BCAR1: variants seen among roughly 807,000 people sequenced by gnomAD.
BCAR1 encodes the protein breast cancer anti-estrogen resistance protein 1.
A neutral mutation model predicts 67.6 loss-of-function variants in BCAR1; 30 were observed. The observed-to-expected ratio is 0.44, with a 90% CI of 0.33 to 0.60. The LOEUF is 0.60. BCAR1 is among the 20% of genes least tolerant of loss of function. BCAR1 has a pLI of 0.02. For missense variants in BCAR1, 1,313 were observed against 1,222.3 expected, an observed-to-expected ratio of 1.07 and a Z score of -1.11; for synonymous variants, 626 against 556.7, an observed-to-expected ratio of 1.12 and a Z score of -1.75.
rs573404237 is a variant in BCAR1, at chr16:75,241,828, G to C, written c.633+642C>G. Among the ~76,000 whole-genome samples the C allele has an allele frequency of 2.6e-5, 4 of 152,236 alleles. No individual in the cohort carries two copies. The East Asian group carries it at 7.7e-4, about 29-fold the overall frequency. On this transcript the variant is annotated intron_variant, in intron 2 of 6. Coordinates refer to ENST00000162330, the MANE Select transcript of BCAR1 (RefSeq NM_014567.5). ...GGTGAGCTTGGGAGGCAGGGGCCCT[G>C]TGGACTTGGGAAGCGGGCTCAGGGT...
intron 6 of BCAR1, among the ~76,000 whole-genome samples, chr16:75,230,790 T>C (rs895878768): frequency 2.0e-5 from 3 of 152,180 alleles, no homozygotes; most frequent in Admixed American, 6.5e-5. Context: ...TCCTAACACT[T>C]AGAACCTCGC....
intron 1 of BCAR1, among the ~76,000 whole-genome samples, chr16:75,260,169 G>C (rs190337605): frequency 6.6e-6 from 1 of 152,260 alleles, no homozygotes. Context: ...ACTCCAGCCT[G>C]GGTGACAGAG....
chr16:75,261,728 C>T (rs1028897905), intron 1 of BCAR1, among the ~76,000 whole-genome samples: 2 of 152,188 alleles, frequency 1.3e-5, no homozygotes, highest in East Asian at 3.9e-4. Flanking sequence ...CCAGGGTCAT[C>T]CCACCACCAA....
At chr16:75,260,313 T>C (rs4261573) in intron 1 of BCAR1, among the ~76,000 whole-genome samples, 66,309 of 152,078 alleles carry the variant, frequency 0.44, 15,893 homozygotes, top group East Asian at 0.81. Flanking sequence ...TTTGATTCGA[T>C]TGATGGCTAC....
At chr16:75,243,562 T>C (rs941093555) in intron 1 of BCAR1, 1 of 468,376 alleles carries the variant, frequency 2.1e-6, no homozygotes, top group Non-Finnish European at 4.3e-6. Flanking sequence ...CAGAGCTTCC[T>C]TAACAAAGTC....
intron 1 of BCAR1, among the ~76,000 whole-genome samples, chr16:75,267,242 G>C (rs1280126656): frequency 6.6e-6 from 1 of 152,204 alleles, no homozygotes; most frequent in African/African-American, 2.4e-5. Flanking sequence ...CCAAGTCCCT[G>C]TTCTGGCAGT....
chr16:75,242,002 C>T (rs1169410156), intron 2 of BCAR1, among the ~76,000 whole-genome samples: 1 of 152,180 alleles, frequency 6.6e-6, no homozygotes, highest in Non-Finnish European at 1.5e-5. Context: ...TGGCCCCTAG[C>T]ATGTTCCATA....
chr16:75,264,471 A>C (rs1567627731), intron 1 of BCAR1: 1 of 1,480,072 alleles, frequency 6.8e-7, no homozygotes, highest in Non-Finnish European at 9.0e-7. Context: ...AGGAGAGCAG[A>C]ACAGAAGAGA....
chr16:75,241,896 G>A (rs2077354110), intron 2 of BCAR1, among the ~76,000 whole-genome samples: 1 of 152,146 alleles, frequency 6.6e-6, no homozygotes, highest in Non-Finnish European at 1.5e-5. Context: ...CATCCCATCA[G>A]CAAGAGCCCA....
At chr16:75,258,372 C>T (rs575308717) in intron 1 of BCAR1, among the ~76,000 whole-genome samples, 1 of 152,360 alleles carries the variant, frequency 6.6e-6, no homozygotes, top group Non-Finnish European at 1.5e-5. Flanking sequence ...TTGGACTGCC[C>T]TGAGGCAAGT....
chr16:75,257,629 A>AT (rs1046599231), intron 1 of BCAR1, among the ~76,000 whole-genome samples: 5 of 151,796 alleles, frequency 3.3e-5, no homozygotes, highest in Non-Finnish European at 5.9e-5. Flanking sequence ...TAATTTTTTT[A>AT]TTTTTTGTAG....
At chr16:75,238,140 C>G (rs1036993346) in intron 2 of BCAR1, 28 of 1,284,998 alleles carry the variant, frequency 2.2e-5, no homozygotes, top group Non-Finnish European at 2.8e-5. Context: ...GGTGAAGAGG[C>G]AGGCAGCACA....
rs1242266775 is a variant in BCAR1 at position 75,243,134 on chromosome 16, G to C, written c.13-44C>G. 3.3e-5 allele frequency: 50 copies of C among 1,529,388 alleles called. No homozygotes were observed. The Admixed American group carries it at 9.7e-4, about 30-fold the overall frequency. The allele number at this position is 1,529,388 out of a possible 1,614,324, so 94.7% of individuals were successfully genotyped here. Reference sequence around the variant, plus strand: ...GGTGTGAGAACAGAAGGATGTGCATGGGGCGTCAGGGGCTCCCCAGCTCCT... The same window carrying C: ...GGTGTGAGAACAGAAGGATGTGCATCGGGCGTCAGGGGCTCCCCAGCTCCT... On this transcript the variant is annotated intron_variant, in intron 1 of 6. Transcript: ENST00000162330.
intron 1 of BCAR1, chr16:75,266,464 C>T (rs1275254955): frequency 3.0e-6 from 1 of 328,358 alleles, no homozygotes; most frequent in African/African-American, 2.1e-5. Context: ...CCTGTAACCC[C>T]CACTCCTGGG....
At chr16:75,261,669 A>C (rs2077910701) in intron 1 of BCAR1, among the ~76,000 whole-genome samples, 1 of 152,222 alleles carries the variant, frequency 6.6e-6, no homozygotes. Flanking sequence ...TGACCATCCA[A>C]GGCTCAAGAG....
At chr16:75,248,277 C>G (rs2077579292) in intron 1 of BCAR1, 2 of 1,445,010 alleles carry the variant, frequency 1.4e-6, no homozygotes, top group East Asian at 2.6e-5. Flanking sequence ...CGCACACATG[C>G]ACCCGCCCCA....
At chr16:75,239,988 A>T (rs993168539) in intron 2 of BCAR1, among the ~76,000 whole-genome samples, 1 of 151,984 alleles carries the variant, frequency 6.6e-6, no homozygotes, top group Non-Finnish European at 1.5e-5. Flanking sequence ...GTCCCATCTG[A>T]CCATGAAAGA....
rs1241518062 is a variant in BCAR1, at chr16:75,242,482, C to T, written c.621G>A (p.Lys207=). 1.4e-6 allele frequency: 2 copies of T among 1,455,522 alleles called. No homozygotes were observed. The highest frequency in any genetic ancestry group is 2.9e-5 in the African/African-American group (2 of 69,398). 90.2% of individuals were successfully genotyped at this position (1,455,522 alleles called of 1,614,324 possible). ...AGGACAGCCTTACCTTTGCCGGGGG[C>T]TTCGTGCCCTCCCAGCTGCGTGTGT... ...SMDTRSWEGT[K]PPAKVVVPTR... is the part of the protein sequence containing the mutation. The change falls in exon 2 of 7, where the codon AAG becomes AAA. Residue 207 remains lysine, a synonymous_variant. Transcript: ENST00000162330.
intron 1 of BCAR1, chr16:75,264,145 T>C: frequency 7.7e-7 from 1 of 1,305,746 alleles, no homozygotes; most frequent in Non-Finnish European, 9.7e-7. Context: ...GTTCCTCTCT[T>C]GTTACAGATG....
Sources: gnomAD v4.1 joint callset for allele counts (sites outside exome capture counted in the v4.1 genomes callset) on GRCh38, gnomAD v4.1.1 for gene constraint, MANE v1.5 for transcripts, NCBI Gene and HGNC (gene_info 2026-07-23, HGNC 2026-07-21) for gene names.